Variants in LIPC observed in about 807,000 individuals in gnomAD.
The protein encoded by LIPC is hepatic triacylglycerol lipase.
LIPC carries 44 observed loss-of-function variants against 50.7 expected under a neutral mutation model. The ratio of observed to expected loss-of-function variants is 0.87; its 90% CI spans 0.68 to 1.11. The LOEUF (loss-of-function observed/expected upper bound fraction) is 1.11. LIPC is among the 50% of genes most tolerant of loss of function. The pLI is 0.00. For missense variants in LIPC, 697 were observed against 648.2 expected (o/e 1.08, Z -0.82); for synonymous variants, 271 against 256.4 (o/e 1.06, Z -0.54).
intron 1 of LIPC, among the ~76,000 whole-genome samples, chr15:58,469,001 A>G (rs973279831): frequency 5.9e-5 from 9 of 152,062 alleles, no homozygotes; most frequent in African/African-American, 2.2e-4. Context: ...GAGCTATCCC[A>G]CTTGATCTGA....
At chr15:58,551,038 C>T (rs78861621) in intron 6 of LIPC, among the ~76,000 whole-genome samples, 17,092 of 112,138 alleles carry the variant, frequency 0.15, 1,208 homozygotes, top group East Asian at 0.47. Flanking sequence ...GGTTTCGCCA[C>T]GTTGGCCAGG....
intron 1 of LIPC, among the ~76,000 whole-genome samples, chr15:58,459,169 C>T (rs1249749373): frequency 6.6e-6 from 1 of 152,094 alleles, no homozygotes; most frequent in Non-Finnish European, 1.5e-5. Context: ...AAACCAAAGG[C>T]CCAGTGGACA....
At chr15:58,486,786 C>G (rs536311539) in intron 1 of LIPC, among the ~76,000 whole-genome samples, 2 of 152,148 alleles carry the variant, frequency 1.3e-5, no homozygotes, top group Non-Finnish European at 2.9e-5. Context: ...CAGTCAGAAG[C>G]GTGGGGGATA....
At chr15:58,526,241 T>C (rs1892796592) in intron 1 of LIPC, among the ~76,000 whole-genome samples, 3 of 152,204 alleles carry the variant, frequency 2.0e-5, no homozygotes, top group Admixed American at 1.3e-4. Flanking sequence ...TGTAAAAAGT[T>C]AGGTAATATA....
chr15:58,461,582 A>AT (rs34329800), intron 1 of LIPC, among the ~76,000 whole-genome samples: 20,064 of 140,974 alleles, frequency 0.14, 1,594 homozygotes, highest in Non-Finnish European at 0.2. Flanking sequence ...CTAATTTTTG[A>AT]TTTTTTTTTT....
At position 58,457,141 on chromosome 15, in the gene LIPC, C is replaced by G; in HGVS notation, c.88+25021C>G. ...TATTATTTTTTGAGACGGAGTTTCA[C>G]TCTTGTTGCCCAGAATGGAGTGCAA... On this transcript the variant is annotated intron_variant, in intron 1 of 8. Coordinates refer to ENST00000299022, the MANE Select transcript of LIPC (RefSeq NM_000236.3). Among the ~76,000 whole-genome samples the G allele has an allele frequency of 3.3e-5, 5 of 152,296 alleles. 1 individual carries two copies. In the South Asian group the frequency reaches 1.0e-3, roughly 32 times the overall value.
At chr15:58,566,563 A>G (rs935031596) in intron 8 of LIPC, 101 of 583,220 alleles carry the variant, frequency 1.7e-4, no homozygotes, top group Non-Finnish European at 2.0e-4. Flanking sequence ...TATCGCTGCT[A>G]AGTGCAAGTG....
At chr15:58,474,628 G>A (rs186808749) in intron 1 of LIPC, among the ~76,000 whole-genome samples, 30 of 152,136 alleles carry the variant, frequency 2.0e-4, no homozygotes, top group Admixed American at 5.2e-4. Context: ...TCTCCCCTAC[G>A]TTGAGCCCAA....
intron 1 of LIPC, among the ~76,000 whole-genome samples, chr15:58,438,771 A>C (rs76626593): frequency 1.3e-5 from 2 of 152,238 alleles, no homozygotes; most frequent in Admixed American, 6.5e-5. Flanking sequence ...TCGGAGTTCC[A>C]GGAGAGGGTT....
intron 1 of LIPC, chr15:58,432,326 A>C (rs1893151786): frequency 1.3e-5 from 8 of 603,836 alleles, no homozygotes; most frequent in Non-Finnish European, 1.8e-5. Flanking sequence ...CCTCGGATTA[A>C]AAGTCTTCTA....
chr15:58,511,408 A>G (rs1182540674), intron 1 of LIPC, among the ~76,000 whole-genome samples: 1 of 152,180 alleles, frequency 6.6e-6, no homozygotes, highest in Non-Finnish European at 1.5e-5. Flanking sequence ...TTACCATTGC[A>G]TTGCATTTAC....
At chr15:58,508,665 G>A (rs1178105832) in intron 1 of LIPC, among the ~76,000 whole-genome samples, 1 of 152,092 alleles carries the variant, frequency 6.6e-6, no homozygotes, top group African/African-American at 2.4e-5. Flanking sequence ...TCTATGCTGG[G>A]GGCTGAGGGA....
intron 1 of LIPC, among the ~76,000 whole-genome samples, chr15:58,515,012 T>G (rs1015389473): frequency 2.6e-5 from 4 of 152,204 alleles, no homozygotes; most frequent in Non-Finnish European, 5.9e-5. Context: ...TTCCTCACCT[T>G]TTTCAGCTTC....
At chr15:58,458,687 G>A (rs1308761815) in intron 1 of LIPC, among the ~76,000 whole-genome samples, 2 of 152,100 alleles carry the variant, frequency 1.3e-5, no homozygotes, top group Non-Finnish European at 2.9e-5. Context: ...AGAAACCAAA[G>A]AACTCCCTGT....
intron 1 of LIPC, among the ~76,000 whole-genome samples, chr15:58,444,089 G>T (rs1353072287): frequency 6.6e-6 from 1 of 152,192 alleles, no homozygotes; most frequent in Non-Finnish European, 1.5e-5. Context: ...CTCAGCTTGG[G>T]CTCAGAGGCC....
At position 58,538,484 on chromosome 15, in the gene LIPC, C is replaced by CCTG. The variant is rs1482734329; in HGVS notation, c.242_244dup (p.Leu81dup). The CCTG allele has an allele frequency of 1.2e-6, 2 of 1,614,064 alleles. No homozygotes were observed. The highest frequency in any genetic ancestry group is 1.7e-6 in the Non-Finnish European group (2 of 1,180,036). On this transcript the variant is annotated inframe_insertion, in exon 2 of 9. Coordinates refer to ENST00000299022, the MANE Select transcript of LIPC (RefSeq NM_000236.3). The stretch of plus-strand genomic sequence containing the variant: ...TACAGGAGTGCGGCTTCAACTCCTC[C>CCTG]CTGCCTCTGGTGATGATAATCCACG...
Position 58,548,479 on chromosome 15 carries a change from C to A in LIPC, c.958C>A (p.Arg320Ser), listed in dbSNP as rs777496353. The A allele has an allele frequency of 2.5e-6, 4 of 1,610,822 alleles. No individual in the cohort carries two copies. In the African/African-American group the frequency reaches 4.0e-5, roughly 16 times the overall value. Residue 320 changes from arginine to serine, a missense_variant, in exon 6 of 9, where the codon CGC becomes AGC. Coordinates refer to ENST00000299022, the MANE Select transcript of LIPC (RefSeq NM_000236.3). ...CCTGTGCCTGAGCTGCAAGAAGGGC[C>A]GCTGCAACACGCTGGGCTACCACGT... ...QGLCLSCKKG[R>S]CNTLGYHVRQ...
At chr15:58,510,967 C>T (rs910821355) in intron 1 of LIPC, among the ~76,000 whole-genome samples, 8 of 152,142 alleles carry the variant, frequency 5.3e-5, no homozygotes, top group Admixed American at 3.9e-4. Context: ...CACGTGATGA[C>T]GTCTCATTTC....
Position 58,506,830 on chromosome 15 carries a change from AATACC to A in LIPC, c.89-31502_89-31498del, listed in dbSNP as rs1468953772. ...ACTGCTAATAAAGACATATTTGAGAAATACCCGAGACTAGGAAATTTATAGAGGAA... is the reference window on the plus strand; with the variant it reads ...ACTGCTAATAAAGACATATTTGAGAACGAGACTAGGAAATTTATAGAGGAA... On this transcript the variant is annotated intron_variant, in intron 1 of 8. Coordinates refer to ENST00000299022, the MANE Select transcript of LIPC (RefSeq NM_000236.3). Among the ~76,000 whole-genome samples the A allele has an allele frequency of 5.9e-5, 9 of 152,334 alleles. 1 individual carries two copies. The highest frequency in any genetic ancestry group is 3.4e-3 in the Middle Eastern group (1 of 294).
Sources: gnomAD v4.1 joint callset for allele counts (sites outside exome capture counted in the v4.1 genomes callset) on GRCh38, gnomAD v4.1.1 for gene constraint, MANE v1.5 for transcripts, NCBI Gene and HGNC (gene_info 2026-07-23, HGNC 2026-07-21) for gene names.